Variants in SLC36A1 observed in about 807,000 individuals in gnomAD.
The protein encoded by SLC36A1 is solute carrier family 36 member 1, also known as proton-coupled amino acid transporter 1.
SLC36A1 carries 30 observed loss-of-function variants against 47.5 expected under a neutral mutation model. The ratio of observed to expected loss-of-function variants is 0.63; its 90% CI spans 0.47 to 0.86. The LOEUF is 0.86. Among genes scored for constraint, SLC36A1 ranks in the 40% least tolerant of loss-of-function variants. The pLI, the probability that SLC36A1 is intolerant of heterozygous loss-of-function variation, is 0.00. For missense variants in SLC36A1, 517 were observed against 606.0 expected, an observed-to-expected ratio of 0.85 and a Z score of 1.54; for synonymous variants, 255 against 249.7, an observed-to-expected ratio of 1.02 and a Z score of -0.20.
chr5:151,348,593 T>A, the SLC36A1 span, among the ~76,000 whole-genome samples: 4 of 152,268 alleles, frequency 2.6e-5, no homozygotes, highest in East Asian at 7.7e-4. Flanking sequence ...AGGTCCTGTA[T>A]GCAATTTTGA....
chr5:151,387,938 A>C, the SLC36A1 span, among the ~76,000 whole-genome samples: 5 of 152,328 alleles, frequency 3.3e-5, no homozygotes, highest in Middle Eastern at 3.4e-3. Flanking sequence ...TTTGGACCTG[A>C]CACTGGCATG....
chr5:151,345,073 G>A, the SLC36A1 span, among the ~76,000 whole-genome samples: 3 of 152,128 alleles, frequency 2.0e-5, no homozygotes, highest in Non-Finnish European at 4.4e-5. Flanking sequence ...AGGTTTGCCC[G>A]GAGGACAAAG....
chr5:151,380,831 G>T, the SLC36A1 span: 1 of 486,058 alleles, frequency 2.1e-6, no homozygotes, highest in South Asian at 1.6e-5. Context: ...GGCAGCAGCA[G>T]ACCCACTGCC....
the SLC36A1 span, among the ~76,000 whole-genome samples, chr5:151,549,985 C>T: frequency 3.3e-5 from 5 of 152,104 alleles, no homozygotes; most frequent in Non-Finnish European, 7.4e-5. Flanking sequence ...AGACAGGAGG[C>T]CAGGCTCCGA....
the SLC36A1 span, among the ~76,000 whole-genome samples, chr5:151,548,789 T>A: frequency 6.6e-6 from 1 of 152,184 alleles, no homozygotes; most frequent in Non-Finnish European, 1.5e-5. Flanking sequence ...CCAACATACA[T>A]TTTCTCTTTT....
At position 151,465,075 on chromosome 5, in the gene SLC36A1, C is replaced by T. The variant is rs1756143393; in HGVS notation, c.325C>T (p.Leu109=). Residue 109 remains leucine, a splice_region_variant and synonymous_variant, in exon 5 of 11, where the codon CTG becomes TTG. Coordinates refer to ENST00000243389, the MANE Select transcript of SLC36A1 (RefSeq NM_078483.4). ...VKCAHHFCRR[L]NKSFVDYGDT... is the part of the protein sequence containing the mutation. ...TCCTCTTCCCTCCTACTCTTCCAGG[C>T]TGAATAAATCCTTTGTGGATTATGG... The T allele has an allele frequency of 6.2e-7, 1 of 1,612,434 alleles. No individual in the cohort carries two copies. The highest frequency in any genetic ancestry group is 1.3e-5 in the African/African-American group (1 of 74,900).
chr5:151,493,760 T>G (rs540650777), downstream of SLC36A1, among the ~76,000 whole-genome samples: 2 of 152,310 alleles, frequency 1.3e-5, no homozygotes, highest in Admixed American at 6.5e-5. Flanking sequence ...ACCTGAGTGC[T>G]TCCCAAGGCG....
At chr5:151,420,352 G>A in the SLC36A1 span, among the ~76,000 whole-genome samples, 6 of 152,152 alleles carry the variant, frequency 3.9e-5, no homozygotes, top group African/African-American at 1.2e-4. Context: ...GGCCCATGGC[G>A]GGCAGGGCAC....
At chr5:151,426,888 G>A in the SLC36A1 span, among the ~76,000 whole-genome samples, 2 of 152,160 alleles carry the variant, frequency 1.3e-5, no homozygotes, top group Admixed American at 6.5e-5. Flanking sequence ...GGAGAATGGC[G>A]ATGACTTTTA....
At chr5:151,467,993 T>TG (rs1168611923) in intron 7 of SLC36A1, 68 bp downstream of exon 7, 12 of 1,359,538 alleles carry the variant, frequency 8.8e-6, no homozygotes, top group Non-Finnish European at 1.2e-5. Context: ...TGGTAGCTCA[T>TG]GCCTGTAATC....
chr5:151,439,794 G>A (rs900588125), intron 1 of SLC36A1, among the ~76,000 whole-genome samples: 47 of 152,106 alleles, frequency 3.1e-4, no homozygotes, highest in Admixed American at 2.8e-3. Flanking sequence ...TTCAGTGGCT[G>A]TTTTTCATCT....
At chr5:151,504,945 A>G in the SLC36A1 span, 1 of 152,886 alleles carries the variant, frequency 6.5e-6, no homozygotes, top group East Asian at 1.9e-4. Flanking sequence ...GTTGCCCTCC[A>G]TCACCATTTT....
chr5:151,458,745 G>A lies in SLC36A1; in HGVS notation c.-5-43G>A, dbSNP rs781526672. 7.5e-6 allele frequency: 12 copies of A among 1,596,666 alleles called. No homozygotes were observed. In the African/African-American group the frequency reaches 1.2e-4, roughly 16 times the overall value. ...GGCCACCCCAAATATGGAGCTAAAG[G>A]CTCCAGCTGCAGGAGGTCTTAATGC... On this transcript the variant is annotated intron_variant, in intron 1 of 10. Transcript: ENST00000243389.
chr5:151,444,626 C>T (rs1216183660), upstream of SLC36A1, among the ~76,000 whole-genome samples: 1 of 152,140 alleles, frequency 6.6e-6, no homozygotes, highest in Non-Finnish European at 1.5e-5. Context: ...GCTTGGACTA[C>T]AGGCATGCAC....
At chr5:151,357,343 G>T in the SLC36A1 span, among the ~76,000 whole-genome samples, 4 of 152,224 alleles carry the variant, frequency 2.6e-5, no homozygotes, top group African/African-American at 9.7e-5. Context: ...ATTGTTCTTG[G>T]CACTAAAAGG....
chr5:151,535,066 T>C, the SLC36A1 span, among the ~76,000 whole-genome samples: 1 of 149,688 alleles, frequency 6.7e-6, no homozygotes, highest in Non-Finnish European at 1.5e-5. Context: ...TCTGCAGCAC[T>C]GTTTATAATA....
At chr5:151,542,885 C>G in the SLC36A1 span, 1 of 1,614,202 alleles carries the variant, frequency 6.2e-7, no homozygotes, top group Non-Finnish European at 8.5e-7. Flanking sequence ...ACCTTTATGA[C>G]CCCTGTGTCT....
the SLC36A1 span, chr5:151,531,553 C>A: frequency 6.2e-7 from 1 of 1,609,996 alleles, no homozygotes; most frequent in Non-Finnish European, 8.5e-7. This position sits in a 1 kb window ranked among gnomAD's most constrained non-coding sequence, Gnocchi z 5.7. Context: ...ACCCTGTACG[C>A]GATGCTTTGG....
Position 151,473,752 on chromosome 5 carries a change from C to T in SLC36A1, c.803C>T (p.Ser268Leu). The change falls in exon 8 of 11, where the codon TCA (serine) becomes TTA (leucine). Residue 268 changes from serine (S) to leucine (L), a missense_variant. Coordinates refer to ENST00000243389, the MANE Select transcript of SLC36A1 (RefSeq NM_078483.4). The stretch of plus-strand genomic sequence containing the variant: ...CTCTTCTTTGGCACAGCGATTTTTT[C>T]ATTTGAAGGCATTGGAATGGTAAGA... ...YPLFFGTAIF[S>L]FEGIGMVLPL... 1 of 1,613,618 alleles carries T rather than the reference C, an allele frequency of 6.2e-7. No homozygotes were observed. Among genetic ancestry groups the T allele is most frequent in the Non-Finnish European group, 8.5e-7 (1 of 1,179,580 alleles).
Sources: allele counts gnomAD v4.1 joint callset (sites outside exome capture counted in the v4.1 genomes callset), GRCh38; gene constraint gnomAD v4.1.1; non-coding constraint Gnocchi (gnomAD v3.1); transcripts MANE v1.5; gene names NCBI Gene and HGNC (gene_info 2026-07-23, HGNC 2026-07-21).